The following DENND2B variants were observed in gnomAD, a reference collection of about 807,000 sequenced individuals.
DENND2B encodes DENN domain-containing protein 2B.
In DENND2B, 32 loss-of-function variants were observed where a neutral mutation model predicts 116.0. The ratio of observed to expected loss-of-function variants is 0.28; its 90% CI spans 0.21 to 0.37. DENND2B has a LOEUF of 0.37. Ranked by LOEUF, DENND2B falls within the 10% of genes least tolerant of loss-of-function variation. The pLI, the probability that DENND2B is intolerant of heterozygous loss-of-function variation, is 1.00. For synonymous variants in DENND2B, 588 were observed against 583.9 expected, an observed-to-expected ratio of 1.01 and a Z score of -0.10; for missense variants, 1,276 against 1,477.7, an observed-to-expected ratio of 0.86 and a Z score of 2.24.
At chr11:8,718,327 C>G in intron 4 of DENND2B, 1 of 1,524,510 alleles carries the variant, frequency 6.6e-7, no homozygotes, top group Non-Finnish European at 8.8e-7. Flanking sequence ...GTCCCTTCAC[C>G]CAACTCTCAG....
intron 4 of DENND2B, among the ~76,000 whole-genome samples, chr11:8,830,185 T>C (rs2062147633): frequency 6.6e-6 from 1 of 152,188 alleles, no homozygotes; most frequent in African/African-American, 2.4e-5. Flanking sequence ...ACCTATGTAA[T>C]GGCAGGACTT....
At chr11:8,727,884 AAT>A (rs1433856845) in intron 3 of DENND2B, among the ~76,000 whole-genome samples, 1 of 150,954 alleles carries the variant, frequency 6.6e-6, no homozygotes, top group Admixed American at 6.7e-5. Context: ...CATTAAAACT[AAT>A]AGTTTCTCCC....
chr11:8,772,929 C>T (rs901803926), intron 1 of DENND2B, among the ~76,000 whole-genome samples: 2 of 152,178 alleles, frequency 1.3e-5, no homozygotes. Flanking sequence ...CTCTCTCTTT[C>T]TGTCTTTCCT....
chr11:8,727,843 G>A, intron 3 of DENND2B, among the ~76,000 whole-genome samples: 1 of 151,392 alleles, frequency 6.6e-6, no homozygotes, highest in Non-Finnish European at 1.5e-5. Flanking sequence ...CCCCAGGAAG[G>A]TGTCACACTG....
chr11:8,812,969 A>G (rs1443961252), upstream of DENND2B, among the ~76,000 whole-genome samples: 1 of 152,124 alleles, frequency 6.6e-6, no homozygotes, highest in Admixed American at 6.6e-5. Flanking sequence ...TTATTTATTG[A>G]CACGAGGTCT....
chr11:8,845,256 A>G (rs1218143159), intron 3 of DENND2B: 1 of 152,220 alleles, frequency 6.6e-6, no homozygotes, highest in Non-Finnish European at 1.5e-5. Context: ...ACTAAACAGA[A>G]GTGACAGTCT....
intron 1 of DENND2B, among the ~76,000 whole-genome samples, chr11:8,763,170 A>T (rs1003278144): frequency 1.3e-5 from 2 of 152,216 alleles, no homozygotes; most frequent in Non-Finnish European, 2.9e-5. Context: ...ACAAAATGCA[A>T]ATTATAACTG....
In DENND2B at chr11:8,698,971, G is replaced by A. The variant is rs953540444; in HGVS notation, c.2902C>T (p.Leu968=). 1 of 1,614,174 alleles carries A rather than the reference G, an allele frequency of 6.2e-7. No homozygotes were observed. Among genetic ancestry groups the A allele is most frequent in the Admixed American group, 1.7e-5 (1 of 60,026 alleles). ...CGGTCAGATCCCAGATTCACCATCA[G>A]CGCCTGAGAAAAGGAGTCATTAGCA... ...KLKELPVEEA[L]MVNLGSDRFI... Residue 968 remains leucine (L), a synonymous_variant, in exon 16 of 20, where the codon CTG becomes TTG. Transcript: ENST00000313726.
At chr11:8,892,104 A>G (rs138246799) in intron 1 of DENND2B, among the ~76,000 whole-genome samples, 3,155 of 152,338 alleles carry the variant, frequency 0.021, 44 homozygotes, top group Middle Eastern at 0.034. Flanking sequence ...AAACTGTTCA[A>G]CTACATGGAA....
chr11:8,727,116 T>A lies in DENND2B; in HGVS notation c.1341-907A>T, dbSNP rs564682236. Among the ~76,000 whole-genome samples the A allele has an allele frequency of 7.2e-5, 11 of 152,118 alleles. No homozygotes were observed. In the South Asian group the frequency reaches 1.9e-3, roughly 26 times the overall value. On this transcript the variant is annotated intron_variant, in intron 3 of 19. Transcript: ENST00000313726. Reference sequence around the variant, plus strand: ...CTCATCTGAGACCCCAACTGTACCCTCTCCCTCTCCAAGGCAAGTCCCCGC... The same window carrying A: ...CTCATCTGAGACCCCAACTGTACCCACTCCCTCTCCAAGGCAAGTCCCCGC...
At chr11:8,731,661 G>A (rs1406392921) in intron 2 of DENND2B, among the ~76,000 whole-genome samples, 1 of 152,176 alleles carries the variant, frequency 6.6e-6, no homozygotes, top group Non-Finnish European at 1.5e-5. Flanking sequence ...ACCAGCCTGG[G>A]CAACATAGTG....
intron 4 of DENND2B, among the ~76,000 whole-genome samples, chr11:8,719,438 T>G (rs1196918973): frequency 1.3e-5 from 2 of 152,214 alleles, no homozygotes; most frequent in Non-Finnish European, 2.9e-5. Flanking sequence ...GATTTGGGAC[T>G]GGATTAAGTG....
At chr11:8,810,179 C>T (rs1005507771) in intron 1 of DENND2B, 3 of 151,356 alleles carry the variant, frequency 2.0e-5, no homozygotes, top group Non-Finnish European at 4.4e-5. Flanking sequence ...ACAAACACCA[C>T]GGGAGTGATG....
intron 2 of DENND2B, among the ~76,000 whole-genome samples, chr11:8,734,208 CACACTCTG>C (rs2048583381): frequency 6.6e-6 from 1 of 152,224 alleles, no homozygotes. Flanking sequence ...GCAATGGACT[CACACTCTG>C]AACATCCAGT....
intron 11 of DENND2B, 77 bp downstream of exon 11, chr11:8,710,768 C>T: frequency 1.6e-6 from 2 of 1,237,094 alleles, no homozygotes; most frequent in Non-Finnish European, 2.3e-6. Context: ...CACACACACA[C>T]ACACACACAC....
intron 1 of DENND2B, among the ~76,000 whole-genome samples, chr11:8,903,326 T>C (rs779075116): frequency 1.3e-5 from 2 of 151,824 alleles, no homozygotes; most frequent in Non-Finnish European, 2.9e-5. Context: ...GGCAGAAGAA[T>C]CAATCACTTG....
chr11:8,903,263 A>G (rs2064191974), intron 1 of DENND2B, among the ~76,000 whole-genome samples: 1 of 152,028 alleles, frequency 6.6e-6, no homozygotes, highest in Non-Finnish European at 1.5e-5. Context: ...ATATACAAAA[A>G]TTAGTCGGGT....
rs753072844 is a variant in DENND2B at position 8,730,643 on chromosome 11, G to A, written c.647C>T (p.Ser216Phe). 3.1e-6 allele frequency: 5 copies of A among 1,612,732 alleles called. No individual in the cohort carries two copies. ...GCCCTTGAAATCAAAGGTCTTTTCA[G>A]AGCTGCAGGGGGACGGCACCACGCT... ...CPSVVPSPCS[S>F]EKTFDFKGLR... The change falls in exon 3 of 20, where the codon TCT (serine) becomes TTT (phenylalanine). Residue 216 changes from serine (S) to phenylalanine (F), a missense_variant. Transcript: ENST00000313726. The surrounding 1 kb of genome is among the most constrained non-coding windows in gnomAD (Gnocchi z 4.1).
chr11:8,798,459 C>A (rs78795417), intron 1 of DENND2B, among the ~76,000 whole-genome samples: 1 of 152,210 alleles, frequency 6.6e-6, no homozygotes, highest in African/African-American at 2.4e-5. Context: ...AAAGCCATCC[C>A]AACCCCCCCA....
Sources: allele counts gnomAD v4.1 joint callset (sites outside exome capture counted in the v4.1 genomes callset), GRCh38; gene constraint gnomAD v4.1.1; non-coding constraint Gnocchi (gnomAD v3.1); transcripts MANE v1.5; gene names NCBI Gene and HGNC (gene_info 2026-07-23, HGNC 2026-07-21).